Variants in SLC12A8 observed in about 807,000 individuals in gnomAD.
SLC12A8 encodes cation-chloride cotransporter 9.
A neutral mutation model predicts 75.6 loss-of-function variants in SLC12A8; 69 were observed. The observed-to-expected ratio is 0.91, with a 90% CI of 0.75 to 1.11. The LOEUF is 1.11. Ranked by LOEUF, SLC12A8 falls within the 50% of genes most tolerant of loss-of-function variation. The probability of loss-of-function intolerance (pLI) is 0.00; values close to 1 mark genes in which losing one functional copy is unlikely to be tolerated. For synonymous variants in SLC12A8, 365 were observed against 372.8 expected, an observed-to-expected ratio of 0.98 and a Z score of 0.24; for missense variants, 877 against 896.7, an observed-to-expected ratio of 0.98 and a Z score of 0.28.
chr3:125,151,248 T>G (rs1933916154), intron 5 of SLC12A8: 1 of 152,790 alleles, frequency 6.5e-6, no homozygotes, highest in African/African-American at 2.4e-5. Context: ...ATGCCCTGAA[T>G]GGGTTCCAGA....
chr3:125,122,179 C>A (rs552831692), intron 6 of SLC12A8, among the ~76,000 whole-genome samples: 2 of 152,050 alleles, frequency 1.3e-5, no homozygotes, highest in African/African-American at 2.4e-5. Flanking sequence ...ATGGTATGAT[C>A]CCATTATTAT....
At chr3:125,188,657 A>G (rs1934846362) in intron 3 of SLC12A8, among the ~76,000 whole-genome samples, 1 of 152,248 alleles carries the variant, frequency 6.6e-6, no homozygotes, top group African/African-American at 2.4e-5. Flanking sequence ...AAGACTCCTG[A>G]TAGTCAAGAC....
chr3:125,199,598 A>T lies in SLC12A8; in HGVS notation c.52-9077T>A, dbSNP rs79126832. Among the ~76,000 whole-genome samples the T allele has an allele frequency of 4.3e-3, 653 of 151,088 alleles. 10 individuals are homozygous for T. Among genetic ancestry groups the T allele is most frequent in the Admixed American group, 0.028 (428 of 15,170 alleles). On this transcript the variant is annotated intron_variant, in intron 2 of 13. Transcript: ENST00000469902. ...CTCTAGAAGAAGGAAAAAAAAAAAA[A>T]GGCCAGGTGTGGTGGCACATGCCTG...
chr3:125,180,529 CTAAAAA>C (rs1934635284), intron 4 of SLC12A8, among the ~76,000 whole-genome samples: 2 of 152,046 alleles, frequency 1.3e-5, no homozygotes, highest in South Asian at 4.1e-4. Flanking sequence ...TCCATCTCTA[CTAAAAA>C]TAAAAATAAG....
At chr3:125,102,298 C>T (rs1938896877) in intron 10 of SLC12A8, among the ~76,000 whole-genome samples, 1 of 152,098 alleles carries the variant, frequency 6.6e-6, no homozygotes. Flanking sequence ...GAATAAAGAA[C>T]ATGGTGTGTT....
chr3:125,183,581 A>G (rs1198702708), intron 4 of SLC12A8, among the ~76,000 whole-genome samples: 1 of 152,156 alleles, frequency 6.6e-6, no homozygotes, highest in African/African-American at 2.4e-5. Flanking sequence ...GTGGATTAAC[A>G]CATATGTCCT....
At chr3:125,158,851 T>C (rs1934104081) in intron 5 of SLC12A8, among the ~76,000 whole-genome samples, 2 of 152,144 alleles carry the variant, frequency 1.3e-5, no homozygotes, top group Admixed American at 1.3e-4. Flanking sequence ...GAAATCATAT[T>C]GCAGCAACCC....
chr3:125,098,468 G>C (rs187690328), intron 10 of SLC12A8, among the ~76,000 whole-genome samples: 116 of 151,462 alleles, frequency 7.7e-4, no homozygotes, highest in African/African-American at 2.7e-3. Context: ...TGTGTTTCTT[G>C]TTACATCTTG....
rs1016599626 is a variant in SLC12A8 at position 125,187,495 on chromosome 3, G to C, written c.199-67C>G. 6.9e-5 allele frequency: 100 copies of C among 1,451,450 alleles called. 1 individual carries two copies. In the African/African-American group the frequency reaches 1.2e-3, roughly 17 times the overall value. The allele number at this position is 1,451,450 out of a possible 1,614,324, so 89.9% of individuals were successfully genotyped here. On this transcript the variant is annotated intron_variant, in intron 3 of 13. Transcript: ENST00000469902. ...AGGCCCCGCCAGCTCCCTGCTGGGG[G>C]CATTGACCACCTCCCCTCCTCCCAC...
At chr3:125,198,795 T>TC (rs754299571) in intron 2 of SLC12A8, among the ~76,000 whole-genome samples, 19 of 137,582 alleles carry the variant, frequency 1.4e-4, no homozygotes, top group African/African-American at 4.3e-4. Flanking sequence ...TTTTTTTTTT[T>TC]GAGATGGAGT....
chr3:125,202,130 G>A (rs1042770190), intron 2 of SLC12A8, among the ~76,000 whole-genome samples: 4 of 152,130 alleles, frequency 2.6e-5, no homozygotes, highest in East Asian at 1.9e-4. Context: ...GGCTAGTCTC[G>A]AACTCCTGAC....
intron 10 of SLC12A8, among the ~76,000 whole-genome samples, chr3:125,094,886 A>G (rs528221435): frequency 6.6e-6 from 1 of 152,266 alleles, no homozygotes; most frequent in African/African-American, 2.4e-5. Context: ...ATCCCATTTG[A>G]TCTTTCAGGC....
chr3:125,186,635 T>TA (rs1188552964), intron 4 of SLC12A8, among the ~76,000 whole-genome samples: 1 of 152,236 alleles, frequency 6.6e-6, no homozygotes, highest in African/African-American at 2.4e-5. Flanking sequence ...GTGTTTTAGC[T>TA]AAAAAAGCCT....
chr3:125,120,683 A>G lies in SLC12A8; in HGVS notation c.740T>C (p.Val247Ala). ...FGVFFPAATG[V>A]MAGFNMGGDL... Reference sequence around the variant, plus strand: ...GCCCCCCATGTTGAAGCCGGCCATGACTCCTGAAAGACACCCAGATGGGGA... The same window carrying G: ...GCCCCCCATGTTGAAGCCGGCCATGGCTCCTGAAAGACACCCAGATGGGGA... Residue 247 changes from valine (V) to alanine (A), a missense_variant, in exon 7 of 14, where the codon GTC becomes GCC. Val to Ala is a moderately conservative substitution (Grantham distance 64). Coordinates refer to ENST00000469902, the MANE Select transcript of SLC12A8 (RefSeq NM_024628.6). 1 of 1,612,852 alleles carries G rather than the reference A, an allele frequency of 6.2e-7. No individual in the cohort carries two copies. Among genetic ancestry groups the G allele is most frequent in the East Asian group, 2.2e-5 (1 of 44,836 alleles).
intron 6 of SLC12A8, 102 bp from the exon 7 acceptor site, chr3:125,120,788 T>C: frequency 1.2e-6 from 1 of 852,846 alleles, no homozygotes; most frequent in Non-Finnish European, 1.9e-6. Flanking sequence ...TCCTGGAAGC[T>C]GTCCCACCGC....
In SLC12A8 at chr3:125,107,766, T is replaced by C; in HGVS notation, c.1420A>G (p.Ser474Gly). The C allele has an allele frequency of 6.2e-7, 1 of 1,614,178 alleles. No homozygotes were observed. The highest frequency in any genetic ancestry group is 1.1e-5 in the South Asian group (1 of 91,080). Residue 474 changes from serine to glycine, a missense_variant, in exon 10 of 14, where the codon AGT (serine) becomes GGT (glycine). By Grantham distance (56) the Ser-to-Gly change is moderately conservative. Transcript: ENST00000469902. ...CCCTCTCCTTGCCTGGGCTGGCTAC[T>C]CTCAAGCTTCCTGGTTAGCTGGAGG... is the stretch of plus-strand genomic sequence containing the variant. ...QLLQLTRKLE[S>G]SQPRQGEGNR...
At chr3:125,194,247 C>T (rs1350679609) in intron 2 of SLC12A8, among the ~76,000 whole-genome samples, 1 of 152,234 alleles carries the variant, frequency 6.6e-6, no homozygotes, top group African/African-American at 2.4e-5. Flanking sequence ...GATGATCCCT[C>T]TGCCATGCTC....
chr3:125,198,265 A>C (rs555058898), intron 2 of SLC12A8, among the ~76,000 whole-genome samples: 3 of 148,438 alleles, frequency 2.0e-5, no homozygotes, highest in South Asian at 2.1e-4. Context: ...TTAAAAAAAA[A>C]AAAACAAAAC....
chr3:125,141,498 T>C (rs896058056), intron 5 of SLC12A8, among the ~76,000 whole-genome samples: 1 of 152,222 alleles, frequency 6.6e-6, no homozygotes, highest in Non-Finnish European at 1.5e-5. Context: ...GGTAGGCGGC[T>C]GCTAGGGGCT....
Sources: allele counts gnomAD v4.1 joint callset (sites outside exome capture counted in the v4.1 genomes callset), GRCh38; gene constraint gnomAD v4.1.1; transcripts MANE v1.5; gene names NCBI Gene and HGNC (gene_info 2026-07-23, HGNC 2026-07-21).